The following ZFAT variants were observed in gnomAD, a reference collection of about 807,000 sequenced individuals.
ZFAT encodes the protein zinc finger protein ZFAT.
Under a neutral mutation model 117.7 loss-of-function variants are expected in ZFAT, and 64 were observed. That is an observed-to-expected ratio of 0.54 (90% CI 0.44 to 0.67). ZFAT has a LOEUF of 0.67. Ranked by LOEUF, ZFAT falls within the 30% of genes least tolerant of loss-of-function variation. ZFAT has a pLI of 0.00. For missense variants in ZFAT, 1,433 were observed against 1,584.5 expected (o/e 0.90, Z 1.62); for synonymous variants, 679 against 615.0 (o/e 1.10, Z -1.54).
At chr8:134,682,378 G>A (rs149007899) in intron 1 of ZFAT, among the ~76,000 whole-genome samples, 21 of 152,312 alleles carry the variant, frequency 1.4e-4, no homozygotes, top group African/African-American at 3.8e-4. Context: ...AAGTCTGGCC[G>A]GGCACGGTGG....
chr8:134,680,261 C>CA (rs35292754), intron 1 of ZFAT, among the ~76,000 whole-genome samples: 16,224 of 48,328 alleles, frequency 0.34, 2,466 homozygotes, highest in Non-Finnish European at 0.4. Flanking sequence ...GACTCCCCCT[C>CA]AAAAAAAAAA....
chr8:134,803,686 G>A, the ZFAT span, among the ~76,000 whole-genome samples: 22 of 152,130 alleles, frequency 1.4e-4, no homozygotes, highest in African/African-American at 5.1e-4. Context: ...TGCTCATCTG[G>A]ATAAAAGATA....
At chr8:134,607,720 C>T (rs1827998882) in intron 5 of ZFAT, among the ~76,000 whole-genome samples, 1 of 152,268 alleles carries the variant, frequency 6.6e-6, no homozygotes, top group African/African-American at 2.4e-5. Flanking sequence ...AGGAAAACCA[C>T]TGGCAACTGG....
intron 10 of ZFAT, among the ~76,000 whole-genome samples, chr8:134,579,521 A>G (rs1283602719): frequency 6.6e-6 from 1 of 152,168 alleles, no homozygotes; most frequent in East Asian, 1.9e-4. Flanking sequence ...ATTATCTCCC[A>G]CTGGGTCCCT....
chr8:134,658,607 G>A (rs114197182), intron 1 of ZFAT, among the ~76,000 whole-genome samples: 1,715 of 152,178 alleles, frequency 0.011, 33 homozygotes, highest in African/African-American at 0.039. Flanking sequence ...CATTATACTA[G>A]GCAGGAAGAC....
the ZFAT span, among the ~76,000 whole-genome samples, chr8:134,742,652 C>T: frequency 6.6e-6 from 1 of 152,234 alleles, no homozygotes; most frequent in Non-Finnish European, 1.5e-5. Context: ...TTATTTCATT[C>T]CTGAGCTCAT....
the ZFAT span, among the ~76,000 whole-genome samples, chr8:134,728,843 A>G: frequency 6.6e-6 from 1 of 152,250 alleles, no homozygotes; most frequent in Admixed American, 6.5e-5. Context: ...TATGCATTAC[A>G]TAACATATCT....
chr8:134,610,689 C>A (rs756055474), intron 3 of ZFAT, 34 bp from the exon 4 acceptor site: 271 of 1,606,692 alleles, frequency 1.7e-4, no homozygotes, highest in Non-Finnish European at 2.2e-4. Flanking sequence ...ATAAGGTATC[C>A]TTTTATATCA....
chr8:134,714,621 C>T (rs1814177435), upstream of ZFAT, among the ~76,000 whole-genome samples: 2 of 152,184 alleles, frequency 1.3e-5, no homozygotes. Context: ...TAAATATATG[C>T]TCACAGATAT....
At chr8:134,668,511 A>T (rs1204677520) in intron 1 of ZFAT, among the ~76,000 whole-genome samples, 1 of 152,270 alleles carries the variant, frequency 6.6e-6, no homozygotes, top group Admixed American at 6.5e-5. Flanking sequence ...GTGGACCTCC[A>T]GCAAACTCCA....
At chr8:134,773,356 T>A in the ZFAT span, among the ~76,000 whole-genome samples, 1 of 152,206 alleles carries the variant, frequency 6.6e-6, no homozygotes, top group African/African-American at 2.4e-5. Context: ...AGACGAAAGA[T>A]TCTTTTCAAA....
the ZFAT span, among the ~76,000 whole-genome samples, chr8:134,735,639 G>A: frequency 6.6e-6 from 1 of 152,156 alleles, no homozygotes; most frequent in African/African-American, 2.4e-5. Flanking sequence ...ATCTAGAAGT[G>A]AAATGCTGAG....
At chr8:134,621,562 T>C (rs1413215024) in intron 3 of ZFAT, among the ~76,000 whole-genome samples, 1 of 152,152 alleles carries the variant, frequency 6.6e-6, no homozygotes, top group African/African-American at 2.4e-5. Flanking sequence ...GTCCATCAAG[T>C]TTTACATCAT....
intron 13 of ZFAT, among the ~76,000 whole-genome samples, chr8:134,516,756 T>A (rs573087262): frequency 4.4e-4 from 67 of 152,178 alleles, no homozygotes; most frequent in African/African-American, 1.6e-3. Context: ...TACTGTCTCC[T>A]GAGGTAAGAG....
At chr8:134,807,969 T>A in the ZFAT span, among the ~76,000 whole-genome samples, 1 of 152,222 alleles carries the variant, frequency 6.6e-6, no homozygotes, top group South Asian at 2.1e-4. Flanking sequence ...TACTCATTAT[T>A]ACTAACTGCC....
chr8:134,650,021 T>C (rs1408274097), intron 2 of ZFAT, among the ~76,000 whole-genome samples: 1 of 152,168 alleles, frequency 6.6e-6, no homozygotes, highest in Non-Finnish European at 1.5e-5. Context: ...GTGAAGAAGG[T>C]TCCTGCTTCT....
At position 134,640,348 on chromosome 8, in the gene ZFAT, C is replaced by T. The variant is rs368791185; in HGVS notation, c.197-2636G>A. The stretch of plus-strand genomic sequence containing the variant: ...GTCTTGGGCAGACTTGGTCGTCTTG[C>T]GGAGAACTGTGCCCTTAAGCTTGAG... On this transcript the variant is annotated intron_variant, in intron 2 of 15. Transcript: ENST00000377838. Among the ~76,000 whole-genome samples the T allele has an allele frequency of 8.5e-5, 13 of 152,260 alleles. No homozygotes were observed. In the East Asian group the frequency reaches 1.9e-3, roughly 23 times the overall value.
the ZFAT span, among the ~76,000 whole-genome samples, chr8:134,832,032 C>T: frequency 7.3e-4 from 109 of 150,062 alleles, no homozygotes; most frequent in African/African-American, 2.6e-3. Context: ...CGCCGCGGCC[C>T]CCACCCTCCC....
chr8:134,511,138 C>G (rs1819803594), intron 14 of ZFAT: 1 of 152,230 alleles, frequency 6.6e-6, no homozygotes, highest in Non-Finnish European at 1.5e-5. Context: ...CAGGCAGGAG[C>G]CAGAGAAGCT....
Sources: gnomAD v4.1 joint callset for allele counts (sites outside exome capture counted in the v4.1 genomes callset) on GRCh38, gnomAD v4.1.1 for gene constraint, MANE v1.5 for transcripts, NCBI Gene and HGNC (gene_info 2026-07-23, HGNC 2026-07-21) for gene names.